Variants in PPP4R1 observed in about 807,000 individuals in gnomAD.
The protein encoded by PPP4R1 is serine/threonine-protein phosphatase 4 regulatory subunit 1.
PPP4R1 carries 42 observed loss-of-function variants against 111.2 expected under a neutral mutation model. That is an observed-to-expected ratio of 0.38 (90% confidence interval 0.29 to 0.49). The LOEUF is 0.49. Among genes scored for constraint, PPP4R1 ranks in the 20% least tolerant of loss-of-function variants. The probability of loss-of-function intolerance (pLI) is 0.97; values close to 1 mark genes in which losing one functional copy is unlikely to be tolerated. For synonymous variants in PPP4R1, 409 were observed against 405.5 expected (o/e 1.01, Z -0.10); for missense variants, 1,012 against 1,161.6 (o/e 0.87, Z 1.87).
chr18:9,584,369 T>C, intron 8 of PPP4R1, 146 bp downstream of exon 8: 2 of 621,288 alleles, frequency 3.2e-6, no homozygotes, highest in East Asian at 6.2e-5. Context: ...ATTACAGATA[T>C]TTAAACTCCT....
intron 19 of PPP4R1, 93 bp downstream of exon 19, chr18:9,549,104 G>C: frequency 6.9e-7 from 1 of 1,450,036 alleles, no homozygotes; most frequent in Non-Finnish European, 9.6e-7. Flanking sequence ...TCTCTGAGCA[G>C]ACAATACTTC....
At chr18:9,561,819 T>G (rs937360845) in intron 13 of PPP4R1, among the ~76,000 whole-genome samples, 161 bp downstream of exon 13, 8 of 152,232 alleles carry the variant, frequency 5.3e-5, no homozygotes, top group African/African-American at 1.9e-4. Flanking sequence ...TGTGCTTCCA[T>G]GTTCCTCTCT....
intron 4 of PPP4R1, among the ~76,000 whole-genome samples, chr18:9,590,361 T>C (rs539252440): frequency 6.6e-6 from 1 of 152,288 alleles, no homozygotes; most frequent in African/African-American, 2.4e-5. Flanking sequence ...ATGAACAAAA[T>C]AGAGTGTTTC....
chr18:9,583,083 T>C, intron 9 of PPP4R1, 34 bp downstream of exon 9: 1 of 1,545,834 alleles, frequency 6.5e-7, no homozygotes, highest in Non-Finnish European at 8.8e-7. Flanking sequence ...GACACAAATG[T>C]ATTATTTTAC....
At chr18:9,587,981 T>C (rs1296594896) in intron 6 of PPP4R1, 108 bp downstream of exon 6, 1 of 1,379,310 alleles carries the variant, frequency 7.3e-7, no homozygotes, top group Non-Finnish European at 9.9e-7. Context: ...CCTCCCAAAG[T>C]GCTGGAATTA....
chr18:9,578,386 G>A (rs985482136), intron 9 of PPP4R1, among the ~76,000 whole-genome samples: 1 of 152,098 alleles, frequency 6.6e-6, no homozygotes, highest in African/African-American at 2.4e-5. Flanking sequence ...ATAGGCATGT[G>A]CCACCACATC....
intron 10 of PPP4R1, among the ~76,000 whole-genome samples, chr18:9,570,991 TAAAGA>T (rs1032139840): frequency 1.3e-5 from 2 of 152,132 alleles, no homozygotes; most frequent in African/African-American, 4.8e-5. Context: ...AATAAATAAC[TAAAGA>T]AAAGTAGTGG....
At chr18:9,552,540 GA>G (rs1275392709) in intron 16 of PPP4R1, among the ~76,000 whole-genome samples, 2 of 152,196 alleles carry the variant, frequency 1.3e-5, no homozygotes, top group African/African-American at 4.8e-5. Flanking sequence ...AGGAGACAGA[GA>G]AACTGGAACT....
chr18:9,562,862 A>G (rs1356105499), intron 12 of PPP4R1: 1 of 985,458 alleles, frequency 1.0e-6, no homozygotes, highest in African/African-American at 1.7e-5. Context: ...GAAATTAGGG[A>G]AGGATCATAG....
chr18:9,561,851 G>T, intron 13 of PPP4R1, 129 bp downstream of exon 13: 1 of 699,978 alleles, frequency 1.4e-6, no homozygotes, highest in Non-Finnish European at 2.5e-6. Context: ...ATTTCCTTAT[G>T]GAAAATATGA....
intron 2 of PPP4R1, among the ~76,000 whole-genome samples, chr18:9,608,936 G>A (rs868696065): frequency 7.9e-5 from 12 of 152,124 alleles, no homozygotes; most frequent in African/African-American, 2.9e-4. Context: ...TTCACAGGCA[G>A]GAACAAACAA....
In PPP4R1 at chr18:9,553,235, C is replaced by A. The variant is rs2066517455; in HGVS notation, c.2291+87G>T. On this transcript the variant is annotated intron_variant, in intron 16 of 19. Transcript: ENST00000400556. The stretch of plus-strand genomic sequence containing the variant: ...TACCACATAGAAACTTGGATCTACA[C>A]AAAGTAATGAAGAAACTGAGAAAAT... The A allele has an allele frequency of 7.5e-6, 8 of 1,063,328 alleles. No individual in the cohort carries two copies. The East Asian group carries it at 1.5e-4, about 20-fold the overall frequency. 65.9% of individuals were successfully genotyped at this position (1,063,328 alleles called of 1,614,324 possible).
intron 2 of PPP4R1, among the ~76,000 whole-genome samples, chr18:9,604,259 G>A (rs2067440851): frequency 6.6e-6 from 1 of 152,036 alleles, no homozygotes; most frequent in South Asian, 2.1e-4. Context: ...TAATTGCCTG[G>A]ATCCATCTAC....
At chr18:9,599,034 G>T (rs1479540844) in intron 2 of PPP4R1, among the ~76,000 whole-genome samples, 1 of 142,156 alleles carries the variant, frequency 7.0e-6, no homozygotes, top group Non-Finnish European at 1.6e-5. Flanking sequence ...TCCAGAAAAA[G>T]AAAGAAAGAA....
At chr18:9,563,732 AAACT>A (rs2066716566) in intron 11 of PPP4R1, 182 bp from the exon 12 acceptor site, 1 of 492,254 alleles carries the variant, frequency 2.0e-6, no homozygotes, top group Admixed American at 3.9e-5. Flanking sequence ...AAAAAGTAGA[AAACT>A]AATATGCTTT....
intron 6 of PPP4R1, among the ~76,000 whole-genome samples, chr18:9,585,090 C>A (rs1462600018): frequency 6.6e-6 from 1 of 152,140 alleles, no homozygotes; most frequent in Non-Finnish European, 1.5e-5. Context: ...AAAATCCTAA[C>A]AATTTCATTT....
chr18:9,567,092 CA>C (rs2066780249), intron 11 of PPP4R1, among the ~76,000 whole-genome samples: 1 of 152,102 alleles, frequency 6.6e-6, no homozygotes, highest in South Asian at 2.1e-4. Context: ...TGGATCTGGA[CA>C]AAGTAAACTG....
At position 9,595,251 on chromosome 18, in the gene PPP4R1, A is replaced by G. The variant is rs1428822005; in HGVS notation, c.53-98T>C. 4.2e-6 allele frequency: 4 copies of G among 962,638 alleles called. No homozygotes were observed. The African/African-American group carries it at 7.4e-5, about 18-fold the overall frequency. The allele number at this position is 962,638 out of a possible 1,614,324, so 59.6% of individuals were successfully genotyped here. ...TACAAATCTGTTTCTGGAATGGTAC[A>G]AAAAAAAAATCACAAGAGACTCTCA... On this transcript the variant is annotated intron_variant, in intron 2 of 19. Transcript: ENST00000400556.
At chr18:9,604,802 T>C (rs1163611566) in intron 2 of PPP4R1, among the ~76,000 whole-genome samples, 1 of 152,208 alleles carries the variant, frequency 6.6e-6, no homozygotes, top group East Asian at 1.9e-4. Context: ...CTTGCTAAAC[T>C]TTTCATTATC....
Sources: gnomAD v4.1 joint callset for allele counts (sites outside exome capture counted in the v4.1 genomes callset) on GRCh38, gnomAD v4.1.1 for gene constraint, MANE v1.5 for transcripts, NCBI Gene and HGNC (gene_info 2026-07-23, HGNC 2026-07-21) for gene names.